Variants in SMAD3 observed in about 807,000 individuals in gnomAD.
The protein encoded by SMAD3 is MAD homolog 3.
A neutral mutation model predicts 51.8 loss-of-function variants in SMAD3; 12 were observed. The observed-to-expected ratio is 0.23, with a 90% CI of 0.15 to 0.38. SMAD3 has a LOEUF of 0.38. Ranked by LOEUF, SMAD3 falls within the 10% of genes least tolerant of loss-of-function variation. The pLI is 1.00. For synonymous variants in SMAD3, 238 were observed against 227.7 expected, an observed-to-expected ratio of 1.05 and a Z score of -0.41; for missense variants, 294 against 565.6, an observed-to-expected ratio of 0.52 and a Z score of 4.87.
intron 1 of SMAD3, among the ~76,000 whole-genome samples, chr15:67,153,665 C>T (rs1022704905): frequency 1.2e-4 from 19 of 152,230 alleles, no homozygotes; most frequent in African/African-American, 4.3e-4. Flanking sequence ...TCACAGCTAC[C>T]GGCATCCAGT....
chr15:67,072,152 T>C (rs1340522957), intron 1 of SMAD3, among the ~76,000 whole-genome samples: 5 of 152,222 alleles, frequency 3.3e-5, no homozygotes, highest in Non-Finnish European at 7.3e-5. Flanking sequence ...AAAATAAATA[T>C]TGGTTTAATA....
chr15:67,184,596 G>A (rs986933806), intron 6 of SMAD3, 131 bp from the exon 7 acceptor site: 9 of 1,156,726 alleles, frequency 7.8e-6, no homozygotes, highest in South Asian at 2.5e-5. Flanking sequence ...TTTGGGGCCC[G>A]TTTGCCTGGG....
chr15:67,116,327 A>G (rs1230204900), intron 1 of SMAD3, among the ~76,000 whole-genome samples: 1 of 152,240 alleles, frequency 6.6e-6, no homozygotes, highest in Non-Finnish European at 1.5e-5. Context: ...CAAAAGGGAT[A>G]TACTGGACAC....
chr15:67,119,491 C>T (rs995124181), intron 1 of SMAD3, among the ~76,000 whole-genome samples: 2 of 152,088 alleles, frequency 1.3e-5, no homozygotes, highest in Non-Finnish European at 2.9e-5. Flanking sequence ...AGAGAGGGAC[C>T]TGGGTAAGGG....
chr15:67,107,386 C>T (rs1462839596), intron 1 of SMAD3, among the ~76,000 whole-genome samples: 1 of 152,116 alleles, frequency 6.6e-6, no homozygotes, highest in Non-Finnish European at 1.5e-5. Flanking sequence ...ACATAAGCAC[C>T]CCACCCTTCT....
At chr15:67,166,634 A>T (rs1455217644) in intron 3 of SMAD3, 145 bp from the exon 4 acceptor site, 3 of 706,750 alleles carry the variant, frequency 4.2e-6, no homozygotes, top group East Asian at 2.7e-5. Flanking sequence ...CAGAACCAAG[A>T]GCTGGAACCT....
intron 1 of SMAD3, among the ~76,000 whole-genome samples, chr15:67,142,194 C>G (rs1301662749): frequency 1.4e-5 from 2 of 142,314 alleles, no homozygotes; most frequent in Non-Finnish European, 3.0e-5. Context: ...GTGTCTCCTC[C>G]CCACACCCCC....
intron 1 of SMAD3, among the ~76,000 whole-genome samples, chr15:67,100,374 A>G (rs1455000667): frequency 6.6e-6 from 1 of 151,848 alleles, no homozygotes; most frequent in East Asian, 1.9e-4. Flanking sequence ...AGGAGAGGGG[A>G]ATGGGGAGTG....
intron 1 of SMAD3, among the ~76,000 whole-genome samples, chr15:67,142,205 C>CCCT (rs969176616): frequency 6.6e-6 from 1 of 150,842 alleles, no homozygotes; most frequent in African/African-American, 2.4e-5. Context: ...CCACACCCCC[C>CCCT]CCACCATTGT....
intron 1 of SMAD3, among the ~76,000 whole-genome samples, chr15:67,074,995 T>C (rs930256460): frequency 6.6e-6 from 1 of 152,234 alleles, no homozygotes; most frequent in African/African-American, 2.4e-5. Flanking sequence ...CCAAGCCAAG[T>C]TGTAACTCTG....
chr15:67,155,054 G>A (rs540690865), intron 1 of SMAD3, among the ~76,000 whole-genome samples: 1 of 152,326 alleles, frequency 6.6e-6, no homozygotes, highest in African/African-American at 2.4e-5. Flanking sequence ...CTTGAACAAG[G>A]ATCTTAATGC....
intron 1 of SMAD3, among the ~76,000 whole-genome samples, chr15:67,098,347 G>GGAGA (rs10665292): frequency 2.1e-5 from 3 of 142,572 alleles, no homozygotes; most frequent in Non-Finnish European, 4.5e-5. Flanking sequence ...AGGGAGGGAG[G>GGAGA]GAGAGAGCGA....
chr15:67,081,187 A>C (rs879528699), intron 1 of SMAD3, among the ~76,000 whole-genome samples: 1 of 152,098 alleles, frequency 6.6e-6, no homozygotes, highest in South Asian at 2.1e-4. Context: ...TTGCTACCCC[A>C]CAGACACGCG....
rs938358883 is a variant in SMAD3 at position 67,193,940 on chromosome 15, C to A, written c.*3404C>A. 24 of 233,150 alleles carry A rather than the reference C, an allele frequency of 1.0e-4. No homozygotes were observed. Among genetic ancestry groups the A allele is most frequent in the African/African-American group, 5.3e-4 (24 of 45,322 alleles). 14.4% of individuals were successfully genotyped at this position (233,150 alleles called of 1,614,324 possible). A position where few individuals can be genotyped will look rare whatever the true frequency, so the allele number is the denominator to read the frequency against. On this transcript the variant is annotated 3_prime_UTR_variant, in exon 9 of 9. Coordinates refer to ENST00000327367, the MANE Select transcript of SMAD3 (RefSeq NM_005902.4). ...GGAAGAAGCAAAGATCTGTTTCATT[C>A]TTAGCCTCAGGCCTCATGAGGGTCT...
At chr15:67,121,447 A>G (rs1961261505) in intron 1 of SMAD3, among the ~76,000 whole-genome samples, 1 of 152,104 alleles carries the variant, frequency 6.6e-6, no homozygotes, top group African/African-American at 2.4e-5. Context: ...CTGGGTGGGC[A>G]GCTCCCAGAG....
chr15:67,185,282 C>G (rs970725448), intron 7 of SMAD3, among the ~76,000 whole-genome samples: 5 of 152,144 alleles, frequency 3.3e-5, no homozygotes, highest in Non-Finnish European at 7.3e-5. Flanking sequence ...CGGATGAGTT[C>G]AATATAAGGG....
At chr15:67,098,798 C>T (rs779985608) in intron 1 of SMAD3, 13 of 683,782 alleles carry the variant, frequency 1.9e-5, no homozygotes, top group African/African-American at 5.3e-5. Context: ...GAGGGTCCTA[C>T]GCATCCCCAG....
intron 1 of SMAD3, among the ~76,000 whole-genome samples, chr15:67,144,353 A>G (rs1449803276): frequency 6.6e-6 from 1 of 151,778 alleles, no homozygotes; most frequent in African/African-American, 2.4e-5. Context: ...GTTGGGTGAT[A>G]TTTCTTTTTG....
chr15:67,182,514 G>T (rs546223422), intron 6 of SMAD3, among the ~76,000 whole-genome samples: 30 of 152,280 alleles, frequency 2.0e-4, no homozygotes, highest in African/African-American at 7.2e-4. Flanking sequence ...TTAGCAAAGG[G>T]AAGCCTGGTC....
Sources: allele counts gnomAD v4.1 joint callset (sites outside exome capture counted in the v4.1 genomes callset), GRCh38; gene constraint gnomAD v4.1.1; transcripts MANE v1.5; gene names NCBI Gene and HGNC (gene_info 2026-07-23, HGNC 2026-07-21).